The following KIAA0586 variants were observed in gnomAD, a reference collection of about 807,000 sequenced individuals.
KIAA0586 encodes the protein KIAA0586.
KIAA0586 carries 144 observed loss-of-function variants against 169.8 expected under a neutral mutation model. That is an observed-to-expected ratio of 0.85 (90% confidence interval 0.74 to 0.97). The LOEUF is 0.97. KIAA0586 is among the 50% of genes least tolerant of loss of function. The pLI, the probability that KIAA0586 is intolerant of heterozygous loss-of-function variation, is 0.00. For missense variants in KIAA0586, 1,854 were observed against 1,823.0 expected (o/e 1.02, Z -0.31); for synonymous variants, 625 against 612.4 (o/e 1.02, Z -0.30).
At chr14:58,516,294 C>T (rs1444826073) in intron 29 of KIAA0586, among the ~76,000 whole-genome samples, 1 of 152,066 alleles carries the variant, frequency 6.6e-6, no homozygotes, top group Non-Finnish European at 1.5e-5. Context: ...ACAGGATGCC[C>T]CACTTTGACC....
upstream of KIAA0586, chr14:58,427,555 C>T: frequency 6.6e-6 from 10 of 1,524,154 alleles, no homozygotes; most frequent in Non-Finnish European, 8.8e-6. Flanking sequence ...AAATAAACCC[C>T]TGTTATGTCC....
chr14:58,543,811 C>T, intron 30 of KIAA0586: 1 of 426,478 alleles, frequency 2.3e-6, no homozygotes, highest in Non-Finnish European at 4.6e-6. Flanking sequence ...ATAGATCCGT[C>T]TCCCGTCTCT....
intron 29 of KIAA0586, among the ~76,000 whole-genome samples, chr14:58,522,905 A>G (rs1002559837): frequency 6.6e-6 from 1 of 152,184 alleles, no homozygotes; most frequent in Non-Finnish European, 1.5e-5. Context: ...AGAGAGGCAT[A>G]ATCCATATGA....
Position 58,492,140 on chromosome 14 carries a change from TTAGGAGG to T in KIAA0586, c.3859-3_3862del. ...TTTATTAATTGTCTTTATGTTTCTT[TTAGGAGG>T]ATGATCCTCCTAGTGAAGGGCAAGT... On this transcript the variant is annotated splice_acceptor_variant and splice_polypyrimidine_tract_variant and coding_sequence_variant and intron_variant, in exon 26 of 31. Coordinates refer to ENST00000652326, the MANE Select transcript of KIAA0586 (RefSeq NM_001329943.3). LOFTEE classifies it high-confidence loss of function. 1 of 1,510,314 alleles carries T rather than the reference TTAGGAGG, an allele frequency of 6.6e-7. No homozygotes were observed. The highest frequency in any genetic ancestry group is 2.4e-5 in the Admixed American group (1 of 40,948). The allele number at this position is 1,510,314 out of a possible 1,614,324, so 93.6% of individuals were successfully genotyped here.
At chr14:58,537,571 C>T (rs1477258979) in intron 29 of KIAA0586, among the ~76,000 whole-genome samples, 2 of 152,204 alleles carry the variant, frequency 1.3e-5, no homozygotes, top group African/African-American at 4.8e-5. Flanking sequence ...ATTTCTGTCC[C>T]TCTCTAACTC....
intron 14 of KIAA0586, among the ~76,000 whole-genome samples, chr14:58,462,626 T>G (rs1445786452): frequency 6.6e-6 from 1 of 152,244 alleles, no homozygotes; most frequent in African/African-American, 2.4e-5. Context: ...GGCTTTAAAA[T>G]GCTTTCAAAT....
At chr14:58,469,323 C>T (rs1328027030) in intron 16 of KIAA0586, among the ~76,000 whole-genome samples, 2 of 152,242 alleles carry the variant, frequency 1.3e-5, no homozygotes, top group Non-Finnish European at 2.9e-5. Context: ...GCCCTGGCTG[C>T]AGAATCTTTC....
chr14:58,528,621 A>G (rs532466349), intron 29 of KIAA0586, among the ~76,000 whole-genome samples: 1 of 152,376 alleles, frequency 6.6e-6, no homozygotes, highest in South Asian at 2.1e-4. Flanking sequence ...AAATAATGAA[A>G]TTAAGACAGA....
intron 29 of KIAA0586, among the ~76,000 whole-genome samples, chr14:58,523,518 TTAG>T (rs1371490376): frequency 5.3e-5 from 8 of 152,056 alleles, no homozygotes; most frequent in African/African-American, 1.9e-4. Context: ...ATTAGATCAA[TTAG>T]TAGCCTTTTT....
At chr14:58,437,865 T>G (rs1456976766) in intron 4 of KIAA0586, among the ~76,000 whole-genome samples, 1 of 152,122 alleles carries the variant, frequency 6.6e-6, no homozygotes, top group Non-Finnish European at 1.5e-5. Context: ...GAGAGATGGC[T>G]AGGGCTGGAT....
At chr14:58,485,939 C>T (rs1010830682) in intron 21 of KIAA0586, among the ~76,000 whole-genome samples, 3 of 152,104 alleles carry the variant, frequency 2.0e-5, no homozygotes, top group African/African-American at 4.8e-5. Flanking sequence ...GTTTGATCAT[C>T]AGCTTTATCT....
In KIAA0586 at chr14:58,551,210, T is replaced by TA. The variant is rs2047193294; in HGVS notation, c.*3282dup. On this transcript the variant is annotated 3_prime_UTR_variant, in exon 31 of 31. Coordinates refer to ENST00000652326, the MANE Select transcript of KIAA0586 (RefSeq NM_001329943.3). ...TCTCAAAAATAAATAAATAAATAAA[T>TA]AAAATGTTCCTCTGTTTTAAATCCT... The TA allele has an allele frequency of 7.1e-6, 1 of 140,732 alleles. No homozygotes were observed. 8.7% of individuals were successfully genotyped at this position (140,732 alleles called of 1,614,324 possible).
In KIAA0586 at chr14:58,546,033, C is replaced by CA. The variant is rs555674140; in HGVS notation, c.4496-1740dup. ...TAGGTGACAGAGCAAGACCCTGTCTCAAAAAAAAGATTTAAAAAATACAGT... is the reference window on the plus strand; with the variant it reads ...TAGGTGACAGAGCAAGACCCTGTCTCAAAAAAAAAGATTTAAAAAATACAGT... On this transcript the variant is annotated intron_variant, in intron 30 of 30. Transcript: ENST00000652326. 1.3e-4 allele frequency among the ~76,000 whole-genome samples: 20 copies of CA among 151,280 alleles called. No homozygotes were observed. The East Asian group carries it at 2.5e-3, about 19-fold the overall frequency.
At chr14:58,524,734 A>G (rs1015598732) in intron 29 of KIAA0586, among the ~76,000 whole-genome samples, 11 of 152,230 alleles carry the variant, frequency 7.2e-5, no homozygotes, top group African/African-American at 2.7e-4. Context: ...GACATAAAAT[A>G]CACTTTTACT....
At chr14:58,516,171 C>T (rs1261921454) in intron 29 of KIAA0586, among the ~76,000 whole-genome samples, 1 of 152,146 alleles carries the variant, frequency 6.6e-6, no homozygotes, top group African/African-American at 2.4e-5. Context: ...AGTTCACACC[C>T]ACTTGTAGGC....
intron 14 of KIAA0586, among the ~76,000 whole-genome samples, chr14:58,461,683 A>G (rs2040334603): frequency 1.3e-5 from 2 of 152,296 alleles, no homozygotes; most frequent in Middle Eastern, 3.4e-3. Context: ...TCTAAATTAT[A>G]ATCTAGGAAA....
intron 17 of KIAA0586, among the ~76,000 whole-genome samples, chr14:58,471,133 G>T (rs528308464): frequency 6.6e-6 from 1 of 152,280 alleles, no homozygotes; most frequent in East Asian, 1.9e-4. Flanking sequence ...TTACAGGCGT[G>T]AGCCACCACG....
intron 6 of KIAA0586, among the ~76,000 whole-genome samples, 171 bp downstream of exon 6, chr14:58,444,346 C>G (rs2038670966): frequency 6.6e-6 from 1 of 152,182 alleles, no homozygotes. Flanking sequence ...AATGTTATAT[C>G]TCAAATGTCA....
intron 26 of KIAA0586, among the ~76,000 whole-genome samples, chr14:58,497,181 C>A (rs1055049583): frequency 9.2e-5 from 14 of 152,054 alleles, no homozygotes; most frequent in Non-Finnish European, 1.9e-4. Flanking sequence ...CCATGTTGAT[C>A]AGGATTGTCT....
Sources: allele counts gnomAD v4.1 joint callset (sites outside exome capture counted in the v4.1 genomes callset), GRCh38; gene constraint gnomAD v4.1.1; transcripts MANE v1.5; gene names NCBI Gene and HGNC (gene_info 2026-07-23, HGNC 2026-07-21).